Variants in AKR1E2 observed in about 807,000 individuals in gnomAD.
AKR1E2 encodes the protein aldo-keto reductase family 1 member E2.
In AKR1E2, 43 loss-of-function variants were observed where a neutral mutation model predicts 41.9. The observed-to-expected ratio is 1.03, with a 90% CI of 0.80 to 1.32. The LOEUF (loss-of-function observed/expected upper bound fraction) is 1.32, where lower values mean the gene tolerates loss of function less well. Ranked by LOEUF, AKR1E2 falls within the 40% of genes most tolerant of loss-of-function variation. The probability of loss-of-function intolerance (pLI) is 0.00; values close to 1 mark genes in which losing one functional copy is unlikely to be tolerated. For synonymous variants in AKR1E2, 121 were observed against 138.9 expected, an observed-to-expected ratio of 0.87 and a Z score of 0.91; for missense variants, 423 against 396.5, an observed-to-expected ratio of 1.07 and a Z score of -0.57.
chr10:4,830,601 G>A (rs368813536), intron 1 of AKR1E2, 74 bp from the exon 2 acceptor site: 4 of 1,558,096 alleles, frequency 2.6e-6, no homozygotes, highest in Admixed American at 1.7e-5. Context: ...TTGTCCACAT[G>A]CTTGGGTGAA....
At chr10:4,854,206 G>A in the AKR1E2 span, among the ~76,000 whole-genome samples, 4 of 149,628 alleles carry the variant, frequency 2.7e-5, no homozygotes, top group Non-Finnish European at 5.9e-5. Flanking sequence ...TGATTCTTCT[G>A]CCTCAGCCTC....
At chr10:4,846,051 C>T (rs1309224577) in intron 8 of AKR1E2, 1 of 359,096 alleles carries the variant, frequency 2.8e-6, no homozygotes, top group African/African-American at 2.1e-5. Flanking sequence ...TGCTGCAAGG[C>T]TGCCTACCCT....
At chr10:4,833,987 A>G (rs536254845) in intron 3 of AKR1E2, among the ~76,000 whole-genome samples, 1 of 152,186 alleles carries the variant, frequency 6.6e-6, no homozygotes, top group African/African-American at 2.4e-5. Flanking sequence ...TGGAGCATGC[A>G]TCTGAGCCAT....
the AKR1E2 span, among the ~76,000 whole-genome samples, chr10:4,865,649 T>C: frequency 0.2 from 30,796 of 152,130 alleles, 3,307 homozygotes; most frequent in Middle Eastern, 0.34. Flanking sequence ...TCAATACATA[T>C]TAAGTTTGTG....
Position 4,842,461 on chromosome 10 carries a change from T to TC in AKR1E2, c.798dup (p.Gly267ArgfsTer9), listed in dbSNP as rs1235826284. 6.2e-7 allele frequency: 1 copy of TC among 1,614,178 alleles called. No homozygotes were observed. Reference sequence around the variant, plus strand: ...CAAATCCAGAGGAATGTGATAGTGATCCCCGGATCTATCACCCCAAGTCAC... The same window carrying TC: ...CAAATCCAGAGGAATGTGATAGTGATCCCCCGGATCTATCACCCCAAGTCAC... On this transcript the variant is annotated frameshift_variant, in exon 8 of 10. Transcript: ENST00000298375. LOFTEE classifies it high-confidence loss of function.
At chr10:4,841,945 A>G in intron 7 of AKR1E2, 88 bp downstream of exon 7, 1 of 1,244,822 alleles carries the variant, frequency 8.0e-7, no homozygotes, top group Non-Finnish European at 1.1e-6. Context: ...AGGTCCCAGG[A>G]AGGGACTGGC....
chr10:4,825,723 G>A (rs537041603), upstream of AKR1E2, among the ~76,000 whole-genome samples: 45 of 152,304 alleles, frequency 3.0e-4, no homozygotes, highest in Non-Finnish European at 5.6e-4. Flanking sequence ...ACAAGAGAGC[G>A]GGGACCCACT....
chr10:4,833,833 C>T (rs1437431132), intron 3 of AKR1E2, among the ~76,000 whole-genome samples: 1 of 152,168 alleles, frequency 6.6e-6, no homozygotes, highest in Non-Finnish European at 1.5e-5. Flanking sequence ...TCTCTTCTTG[C>T]AGGTTCTGTT....
chr10:4,825,337 G>A (rs1478003221), upstream of AKR1E2, among the ~76,000 whole-genome samples: 2 of 152,190 alleles, frequency 1.3e-5, no homozygotes, highest in African/African-American at 4.8e-5. Context: ...AGGGCTGAGG[G>A]GGGCAATGAA....
chr10:4,841,372 T>C (rs1477363388), intron 6 of AKR1E2, among the ~76,000 whole-genome samples: 1 of 152,184 alleles, frequency 6.6e-6, no homozygotes, highest in East Asian at 1.9e-4. Flanking sequence ...TTAGTAGTAT[T>C]TTGGGCGAAC....
chr10:4,827,289 C>T (rs999126142), intron 1 of AKR1E2, among the ~76,000 whole-genome samples: 3 of 151,310 alleles, frequency 2.0e-5, no homozygotes, highest in African/African-American at 7.3e-5. Flanking sequence ...ACATATCTAT[C>T]ACCTCTCTCA....
At chr10:4,858,605 AG>A in the AKR1E2 span, among the ~76,000 whole-genome samples, 1 of 152,164 alleles carries the variant, frequency 6.6e-6, no homozygotes, top group Non-Finnish European at 1.5e-5. Context: ...TGAATGCCTA[AG>A]GTTCAATAGA....
the AKR1E2 span, among the ~76,000 whole-genome samples, chr10:4,853,860 C>CA: frequency 6.6e-6 from 1 of 152,138 alleles, no homozygotes; most frequent in Non-Finnish European, 1.5e-5. Flanking sequence ...ATAAATCCCC[C>CA]AAAACCAAGA....
the AKR1E2 span, among the ~76,000 whole-genome samples, chr10:4,863,591 G>A: frequency 3.3e-5 from 5 of 152,012 alleles, no homozygotes; most frequent in African/African-American, 4.8e-5. Flanking sequence ...GCTAGCAGAA[G>A]GCAAGAAATA....
downstream of AKR1E2, among the ~76,000 whole-genome samples, chr10:4,849,874 T>G (rs895738504): frequency 1.3e-5 from 2 of 152,210 alleles, no homozygotes; most frequent in Non-Finnish European, 2.9e-5. Context: ...TCTGCGGCTC[T>G]TAACAGGAGA....
intron 8 of AKR1E2, among the ~76,000 whole-genome samples, chr10:4,845,143 T>C (rs1389493150): frequency 6.6e-6 from 1 of 152,184 alleles, no homozygotes; most frequent in Non-Finnish European, 1.5e-5. Context: ...CACGCCCTCC[T>C]CAGCCGCTGG....
chr10:4,826,626 G>A (rs562955367), intron 1 of AKR1E2, among the ~76,000 whole-genome samples: 59 of 152,258 alleles, frequency 3.9e-4, no homozygotes, highest in African/African-American at 1.4e-3. Context: ...CTCAGACTCT[G>A]GGGCTGCGGC....
intron 4 of AKR1E2, among the ~76,000 whole-genome samples, chr10:4,836,078 T>A (rs933816588): frequency 1.3e-5 from 2 of 152,192 alleles, no homozygotes; most frequent in African/African-American, 2.4e-5. Flanking sequence ...ATTTATTTAT[T>A]TTTTTATTAA....
chr10:4,845,106 G>GTGGGCCAGCACTGC (rs1395448396), intron 8 of AKR1E2, among the ~76,000 whole-genome samples: 1 of 152,196 alleles, frequency 6.6e-6, no homozygotes, highest in Non-Finnish European at 1.5e-5. Flanking sequence ...CGCAGCGCCG[G>GTGGGCCAGCACTGC]TGGGCCAGCA....
Sources: gnomAD v4.1 joint callset for allele counts (sites outside exome capture counted in the v4.1 genomes callset) on GRCh38, gnomAD v4.1.1 for gene constraint, MANE v1.5 for transcripts, NCBI Gene and HGNC (gene_info 2026-07-23, HGNC 2026-07-21) for gene names.